CCDC73: variants seen among roughly 807,000 people sequenced by gnomAD.
The protein encoded by CCDC73 is coiled-coil domain-containing protein 73.
In CCDC73, 95 loss-of-function variants were observed where a neutral mutation model predicts 116.5. The observed-to-expected ratio is 0.82, with a 90% CI of 0.69 to 0.97. The LOEUF (loss-of-function observed/expected upper bound fraction) is 0.97. CCDC73 is among the 50% of genes least tolerant of loss of function. The pLI is 0.00. For synonymous variants in CCDC73, 398 were observed against 401.3 expected (o/e 0.99, Z 0.10); for missense variants, 1,066 against 1,206.8 (o/e 0.88, Z 1.73).
rs186445635 is a variant in CCDC73, at chr11:32,778,689, G to A, written c.-16+15924C>T. ...GGGCCAGACATGGTGGCAGGCGCCT[G>A]TAATCCCAGCTACTTAGGAGGCTAA... On this transcript the variant is annotated intron_variant, in intron 1 of 17. Coordinates refer to ENST00000335185, the MANE Select transcript of CCDC73 (RefSeq NM_001008391.4). Among the ~76,000 whole-genome samples, 578 of 152,120 alleles carry A rather than the reference G, an allele frequency of 3.8e-3. 2 individuals are homozygous for A. Among genetic ancestry groups the A allele is most frequent in the Middle Eastern group, 0.014 (4 of 294 alleles).
chr11:32,678,812 G>A (rs1856115889), intron 7 of CCDC73, among the ~76,000 whole-genome samples: 1 of 151,530 alleles, frequency 6.6e-6, no homozygotes, highest in African/African-American at 2.4e-5. Context: ...AAATCCAGGA[G>A]GCAGAGGTTG....
At chr11:32,700,237 A>G (rs1849800413) in intron 5 of CCDC73, among the ~76,000 whole-genome samples, 3 of 152,152 alleles carry the variant, frequency 2.0e-5, no homozygotes, top group African/African-American at 4.8e-5. Flanking sequence ...AAAATAAACC[A>G]TAAGTGATTA....
chr11:32,750,369 C>T (rs1850276730), intron 2 of CCDC73, among the ~76,000 whole-genome samples: 2 of 152,140 alleles, frequency 1.3e-5, no homozygotes, highest in Admixed American at 1.3e-4. Context: ...GCACTCAAGG[C>T]CTTAGCGATC....
In CCDC73 at chr11:32,768,257, G is replaced by A. The variant is rs922301658; in HGVS notation, c.-15-7999C>T. Among the ~76,000 whole-genome samples, 27 of 152,258 alleles carry A rather than the reference G, an allele frequency of 1.8e-4. No individual in the cohort carries two copies. In the Middle Eastern group the frequency reaches 0.01, roughly 58 times the overall value. On this transcript the variant is annotated intron_variant, in intron 1 of 17. Transcript: ENST00000335185. ...AAACACCACATGTTCTCACTCATAG[G>A]TGGGAATTGAACAATGAGAACACTC...
intron 3 of CCDC73, among the ~76,000 whole-genome samples, chr11:32,715,671 T>C (rs1409020324): frequency 6.6e-6 from 1 of 152,152 alleles, no homozygotes; most frequent in East Asian, 1.9e-4. Context: ...CCTGCATCAA[T>C]ATAACAGAGA....
At chr11:32,668,388 A>G (rs1055726933) in intron 9 of CCDC73, among the ~76,000 whole-genome samples, 1 of 152,236 alleles carries the variant, frequency 6.6e-6, no homozygotes, top group Non-Finnish European at 1.5e-5. Flanking sequence ...GTAGTACCTT[A>G]ATAGATTCAA....
chr11:32,812,600 C>T, the CCDC73 span, among the ~76,000 whole-genome samples: 5 of 149,082 alleles, frequency 3.4e-5, no homozygotes, highest in Non-Finnish European at 7.4e-5. Context: ...ACCCAGGAGG[C>T]GGAGGTTGTG....
chr11:32,813,196 A>G, the CCDC73 span, among the ~76,000 whole-genome samples: 3 of 152,174 alleles, frequency 2.0e-5, no homozygotes, highest in Admixed American at 2.0e-4. Context: ...AAAAAATATC[A>G]TTTATCAATA....
At chr11:32,662,299 C>T (rs896644321) in intron 9 of CCDC73, among the ~76,000 whole-genome samples, 3 of 152,226 alleles carry the variant, frequency 2.0e-5, no homozygotes, top group African/African-American at 7.2e-5. Context: ...ACAGTCCCAC[C>T]AACAGTGTAA....
intron 14 of CCDC73, among the ~76,000 whole-genome samples, chr11:32,629,935 C>CAAAAAAAAATAAAAAAAAAAAAAAAA (rs1855615888): frequency 8.1e-6 from 1 of 123,352 alleles, no homozygotes; most frequent in African/African-American, 3.2e-5. Context: ...AAAAAAAAAA[C>CAAAAAAAAATAAAAAAAAAAAAAAAA]AAAAAAAAAA....
chr11:32,730,475 G>A (rs1850065607), intron 2 of CCDC73, among the ~76,000 whole-genome samples: 1 of 152,126 alleles, frequency 6.6e-6, no homozygotes, highest in South Asian at 2.1e-4. Context: ...ACATTTTAAA[G>A]GTGCCATTCT....
intron 1 of CCDC73, among the ~76,000 whole-genome samples, chr11:32,780,302 A>T (rs921155072): frequency 2.6e-5 from 4 of 151,862 alleles, no homozygotes; most frequent in African/African-American, 9.7e-5. Context: ...ATAAATAAAT[A>T]AAATAACATA....
At chr11:32,653,911 T>C (rs1855848759) in intron 11 of CCDC73, 67 bp downstream of exon 11, 3 of 1,538,748 alleles carry the variant, frequency 1.9e-6, no homozygotes, top group Non-Finnish European at 1.7e-6. Flanking sequence ...ATGATTCCAC[T>C]TATTTTTTAC....
intron 7 of CCDC73, chr11:32,680,150 T>C (rs754526603): frequency 5.3e-5 from 8 of 152,178 alleles, no homozygotes; most frequent in Non-Finnish European, 1.0e-4. Flanking sequence ...TTGTCCAGTT[T>C]GCCACTAATT....
At chr11:32,663,957 G>T (rs2133274258) in intron 9 of CCDC73, among the ~76,000 whole-genome samples, 1 of 152,246 alleles carries the variant, frequency 6.6e-6, no homozygotes, top group East Asian at 1.9e-4. Context: ...TATGTCGTTG[G>T]TTCTGTTTAT....
chr11:32,752,581 C>CTAAGT (rs1850295901), intron 2 of CCDC73, among the ~76,000 whole-genome samples: 1 of 152,204 alleles, frequency 6.6e-6, no homozygotes, highest in Admixed American at 6.5e-5. Context: ...AATCATCAAT[C>CTAAGT]TAAGTATGTT....
chr11:32,750,793 G>T (rs1181060797), intron 2 of CCDC73, among the ~76,000 whole-genome samples: 3 of 152,126 alleles, frequency 2.0e-5, no homozygotes, highest in African/African-American at 7.2e-5. Context: ...AGCCCACTTG[G>T]TGCTCTTCCC....
chr11:32,777,568 G>C (rs1435991514), intron 1 of CCDC73, among the ~76,000 whole-genome samples: 1 of 152,010 alleles, frequency 6.6e-6, no homozygotes, highest in African/African-American at 2.4e-5. Context: ...AACCCTAACA[G>C]GGTAAATTAA....
chr11:32,776,936 A>AAATAT (rs1341535562), intron 1 of CCDC73, among the ~76,000 whole-genome samples: 1 of 36,464 alleles, frequency 2.7e-5, no homozygotes, highest in African/African-American at 8.3e-5. Flanking sequence ...AAAAAAAAAA[A>AAATAT]ATATATATAT....
Sources: allele counts gnomAD v4.1 joint callset (sites outside exome capture counted in the v4.1 genomes callset), GRCh38; gene constraint gnomAD v4.1.1; transcripts MANE v1.5; gene names NCBI Gene and HGNC (gene_info 2026-07-23, HGNC 2026-07-21).